Variants in CALN1 observed in about 807,000 individuals in gnomAD.
The protein encoded by CALN1 is calcium-binding protein 8.
A neutral mutation model predicts 30.6 loss-of-function variants in CALN1; 17 were observed. That is an observed-to-expected ratio of 0.56 (90% CI 0.38 to 0.83). The LOEUF (loss-of-function observed/expected upper bound fraction) is 0.83. Among genes scored for constraint, CALN1 ranks in the 40% least tolerant of loss-of-function variants. The pLI, the probability that CALN1 is intolerant of heterozygous loss-of-function variation, is 0.00. For synonymous variants in CALN1, 156 were observed against 131.4 expected, an observed-to-expected ratio of 1.19 and a Z score of -1.28; for missense variants, 291 against 354.9, an observed-to-expected ratio of 0.82 and a Z score of 1.45.
chr7:72,430,359 C>A (rs1807936320), intron 1 of CALN1, among the ~76,000 whole-genome samples: 1 of 149,042 alleles, frequency 6.7e-6, no homozygotes, highest in Admixed American at 6.7e-5. Context: ...ATTCTAAGAC[C>A]TAGGTATTTA....
chr7:71,830,750 TA>T (rs1319568027), intron 5 of CALN1, among the ~76,000 whole-genome samples: 2 of 152,214 alleles, frequency 1.3e-5, no homozygotes, highest in Non-Finnish European at 2.9e-5. Context: ...TGAAAGTTAC[TA>T]AACTTCTCTG....
At chr7:72,296,176 C>T (rs1256543826) in intron 2 of CALN1, among the ~76,000 whole-genome samples, 4 of 151,220 alleles carry the variant, frequency 2.6e-5, no homozygotes, top group South Asian at 2.1e-4. Flanking sequence ...TACTGATTTG[C>T]GTATATTGAA....
At chr7:72,430,513 G>A (rs1807940197) in intron 1 of CALN1, among the ~76,000 whole-genome samples, 1 of 152,042 alleles carries the variant, frequency 6.6e-6, no homozygotes, top group African/African-American at 2.4e-5. Context: ...TTTTCTACCA[G>A]GGTCAACACT....
intron 1 of CALN1, among the ~76,000 whole-genome samples, chr7:72,437,522 T>G (rs1014784060): frequency 2.9e-4 from 21 of 72,312 alleles, no homozygotes; most frequent in East Asian, 1.9e-3. Flanking sequence ...CCCAGTTGTG[T>G]GGAGTGTGTG....
intron 1 of CALN1, among the ~76,000 whole-genome samples, chr7:72,439,824 G>A (rs557770123): frequency 1.3e-4 from 19 of 151,902 alleles, no homozygotes; most frequent in African/African-American, 3.1e-4. Context: ...TGATCCACCC[G>A]CCTCGGCCTC....
intron 5 of CALN1, among the ~76,000 whole-genome samples, chr7:72,019,276 G>C (rs1050980902): frequency 5.9e-5 from 9 of 152,094 alleles, no homozygotes; most frequent in African/African-American, 2.2e-4. Context: ...TGGGGAAAAT[G>C]GAAGGCTTGG....
intron 3 of CALN1, among the ~76,000 whole-genome samples, chr7:72,270,184 C>T (rs1309375575): frequency 6.6e-6 from 1 of 151,824 alleles, no homozygotes; most frequent in Non-Finnish European, 1.5e-5. Context: ...AAGCCAGGCA[C>T]AATGGATCAT....
intron 5 of CALN1, among the ~76,000 whole-genome samples, chr7:71,959,036 G>C (rs1448252579): frequency 3.3e-5 from 5 of 152,186 alleles, no homozygotes; most frequent in African/African-American, 1.2e-4. Flanking sequence ...AGTTATAAAA[G>C]ATAGGCATAG....
intron 3 of CALN1, among the ~76,000 whole-genome samples, chr7:72,133,352 G>A (rs373415367): frequency 1.1e-4 from 16 of 152,194 alleles, no homozygotes; most frequent in African/African-American, 2.6e-4. Context: ...AAACAATAAC[G>A]GCAGTAGCTT....
intron 4 of CALN1, among the ~76,000 whole-genome samples, chr7:72,074,511 G>C (rs1189312330): frequency 6.6e-6 from 1 of 152,110 alleles, no homozygotes; most frequent in African/African-American, 2.4e-5. Context: ...ACGTTCAAGC[G>C]ATTCTCCTGC....
intron 5 of CALN1, among the ~76,000 whole-genome samples, chr7:71,888,328 AG>A (rs1793034047): frequency 6.6e-6 from 1 of 152,086 alleles, no homozygotes; most frequent in Non-Finnish European, 1.5e-5. Context: ...AATCGACTGT[AG>A]GGATGACTGC....
At position 71,814,876 on chromosome 7, in the gene CALN1, C is replaced by A. The variant is rs184883158; in HGVS notation, c.502-4384G>T. 2.1e-4 allele frequency among the ~76,000 whole-genome samples: 32 copies of A among 151,796 alleles called. No homozygotes were observed. The East Asian group carries it at 5.4e-3, about 26-fold the overall frequency. On this transcript the variant is annotated intron_variant, in intron 5 of 6. Transcript: ENST00000395275. ...TGAGACAAAGTCTCGCTCTGTCCCC[C>A]ACCCTGGAGTGCAGTGACGCAATCT...
intron 6 of CALN1, among the ~76,000 whole-genome samples, chr7:71,801,893 G>T (rs1787334927): frequency 6.6e-6 from 1 of 151,808 alleles, no homozygotes; most frequent in Non-Finnish European, 1.5e-5. Context: ...CATGAGAATT[G>T]CTTGAACCCA....
chr7:72,009,416 C>G (rs558670002), intron 5 of CALN1, among the ~76,000 whole-genome samples: 8 of 152,030 alleles, frequency 5.3e-5, no homozygotes, highest in Admixed American at 1.3e-4. Flanking sequence ...AATATTAACC[C>G]TAAGAATACA....
chr7:71,964,617 A>C (rs1428474408), intron 5 of CALN1, among the ~76,000 whole-genome samples: 1 of 151,980 alleles, frequency 6.6e-6, no homozygotes, highest in Non-Finnish European at 1.5e-5. Context: ...CGCTGAGATC[A>C]CGCCACTGCA....
chr7:72,030,743 C>T (rs1801385075), intron 4 of CALN1, among the ~76,000 whole-genome samples: 1 of 151,934 alleles, frequency 6.6e-6, no homozygotes, highest in Non-Finnish European at 1.5e-5. Flanking sequence ...AAAATACCCA[C>T]ACAATTTTTT....
At chr7:72,069,232 T>C (rs1804228673) in intron 4 of CALN1, among the ~76,000 whole-genome samples, 1 of 152,194 alleles carries the variant, frequency 6.6e-6, no homozygotes, top group Admixed American at 6.5e-5. Context: ...AGCCAGGTAA[T>C]GGGTCCCCGC....
At chr7:72,466,848 A>G in the CALN1 span, among the ~76,000 whole-genome samples, 15 of 104,828 alleles carry the variant, frequency 1.4e-4, no homozygotes, top group Admixed American at 1.2e-3. Context: ...AAAGAAAAGA[A>G]AGAAAGAAAG....
intron 3 of CALN1, among the ~76,000 whole-genome samples, chr7:72,265,563 G>T (rs1350222726): frequency 6.6e-6 from 1 of 152,038 alleles, no homozygotes; most frequent in Non-Finnish European, 1.5e-5. Flanking sequence ...GCACGATGGG[G>T]CTTAATTAGC....
Sources: allele counts gnomAD v4.1 joint callset (sites outside exome capture counted in the v4.1 genomes callset), GRCh38; gene constraint gnomAD v4.1.1; transcripts MANE v1.5; gene names NCBI Gene and HGNC (gene_info 2026-07-23, HGNC 2026-07-21).